Variants in XKR4 observed in about 807,000 individuals in gnomAD.
The protein encoded by XKR4 is XK related 4, also known as XK-related protein 4.
Under a neutral mutation model 53.9 loss-of-function variants are expected in XKR4, and 12 were observed. That is an observed-to-expected ratio of 0.22 (90% CI 0.14 to 0.36). XKR4 has a LOEUF of 0.36. XKR4 is among the 10% of genes least tolerant of loss of function. XKR4 has a pLI of 1.00. For missense variants in XKR4, 799 were observed against 859.5 expected, an observed-to-expected ratio of 0.93 and a Z score of 0.88; for synonymous variants, 354 against 362.4, an observed-to-expected ratio of 0.98 and a Z score of 0.26.
At chr8:55,380,120 C>A (rs958927132) in intron 2 of XKR4, among the ~76,000 whole-genome samples, 2 of 152,342 alleles carry the variant, frequency 1.3e-5, no homozygotes, top group Admixed American at 1.3e-4. Flanking sequence ...TGTCTGAATG[C>A]TCCATTGGTT....
At position 55,524,821 on chromosome 8, in the gene XKR4, A is replaced by G. The variant is rs778657568; in HGVS notation, c.*594A>G. The G allele has an allele frequency of 1.3e-5, 2 of 152,810 alleles. No homozygotes were observed. The highest frequency in any genetic ancestry group is 2.9e-5 in the Non-Finnish European group (2 of 68,216). 9.5% of individuals were successfully genotyped at this position (152,810 alleles called of 1,614,324 possible). A position where few individuals can be genotyped will look rare whatever the true frequency, so the allele number is the denominator to read the frequency against. ...TGAAAATCCTATCCAACGGACAGCAAACCCAAATGTTGTCTACACATGTGT... is the reference window on the plus strand; with the variant it reads ...TGAAAATCCTATCCAACGGACAGCAGACCCAAATGTTGTCTACACATGTGT... On this transcript the variant is annotated 3_prime_UTR_variant, in exon 3 of 3. Transcript: ENST00000327381.
At chr8:55,314,287 T>G (rs147672948) in intron 1 of XKR4, among the ~76,000 whole-genome samples, 2 of 152,204 alleles carry the variant, frequency 1.3e-5, no homozygotes, top group East Asian at 3.9e-4. Flanking sequence ...TGTTGTTCCC[T>G]GTACCAGTGG....
chr8:55,251,796 A>G (rs760918458), intron 1 of XKR4, among the ~76,000 whole-genome samples: 2 of 152,186 alleles, frequency 1.3e-5, no homozygotes, highest in African/African-American at 2.4e-5. Flanking sequence ...GACTCCGCAA[A>G]TGTTTGGCTT....
intron 2 of XKR4, among the ~76,000 whole-genome samples, chr8:55,368,525 C>A (rs1032457517): frequency 1.3e-5 from 2 of 152,190 alleles, no homozygotes; most frequent in Non-Finnish European, 2.9e-5. Flanking sequence ...CTTCACATAG[C>A]TCATCCCTTT....
chr8:55,369,751 T>C (rs1294924600), intron 2 of XKR4, among the ~76,000 whole-genome samples: 1 of 152,168 alleles, frequency 6.6e-6, no homozygotes, highest in Non-Finnish European at 1.5e-5. Context: ...CATATATTCA[T>C]AATAATATAT....
chr8:55,429,721 C>T (rs1171007846), intron 2 of XKR4, among the ~76,000 whole-genome samples: 1 of 149,140 alleles, frequency 6.7e-6, no homozygotes, highest in East Asian at 1.9e-4. Context: ...AGACCAAGAC[C>T]CTGTCTTTCT....
chr8:55,529,774 TCC>T lies in XKR4; in HGVS notation c.*5548_*5549del, dbSNP rs1330041314. The T allele has an allele frequency of 6.6e-6, 1 of 152,176 alleles. No individual in the cohort carries two copies. The highest frequency in any genetic ancestry group is 1.5e-5 in the Non-Finnish European group (1 of 68,032). The allele number at this position is 152,176 out of a possible 1,614,324, so 9.4% of individuals were successfully genotyped here. A position where few individuals can be genotyped will look rare whatever the true frequency, so the allele number is the denominator to read the frequency against. ...AATCATGGTCTGATGATCAAATTTT[TCC>T]AAGAAAATTTTATTTAAAAGTCAAA... On this transcript the variant is annotated 3_prime_UTR_variant, in exon 3 of 3. Coordinates refer to ENST00000327381, the MANE Select transcript of XKR4 (RefSeq NM_052898.2).
chr8:55,141,148 C>G (rs1343473536), intron 1 of XKR4, among the ~76,000 whole-genome samples: 2 of 152,154 alleles, frequency 1.3e-5, no homozygotes, highest in Non-Finnish European at 2.9e-5. Context: ...CCTTCCCAGC[C>G]CTAAGCAACC....
intron 1 of XKR4, among the ~76,000 whole-genome samples, chr8:55,159,812 G>C (rs1816959878): frequency 6.6e-6 from 1 of 152,188 alleles, no homozygotes; most frequent in African/African-American, 2.4e-5. Context: ...ACAGAGAAAA[G>C]GACTAGCTAG....
chr8:55,464,350 A>C (rs941698050), intron 2 of XKR4, among the ~76,000 whole-genome samples: 1 of 152,196 alleles, frequency 6.6e-6, no homozygotes, highest in Non-Finnish European at 1.5e-5. Context: ...GTAATCCAGC[A>C]TATAAACAGA....
At chr8:55,325,152 C>A (rs575785717) in intron 1 of XKR4, among the ~76,000 whole-genome samples, 3 of 152,038 alleles carry the variant, frequency 2.0e-5, no homozygotes, top group East Asian at 3.9e-4. Context: ...TAAATAAAAA[C>A]CTAGTTAAAG....
intron 1 of XKR4, among the ~76,000 whole-genome samples, chr8:55,341,651 T>C (rs1803548442): frequency 6.6e-6 from 1 of 152,246 alleles, no homozygotes; most frequent in Non-Finnish European, 1.5e-5. Context: ...TTAGACATCA[T>C]GGAAACCTTA....
At chr8:55,419,823 T>C (rs143651523) in intron 2 of XKR4, among the ~76,000 whole-genome samples, 1 of 152,302 alleles carries the variant, frequency 6.6e-6, no homozygotes, top group East Asian at 1.9e-4. Context: ...CTTAAGAAAA[T>C]TGGATGGGTA....
intron 1 of XKR4, among the ~76,000 whole-genome samples, chr8:55,184,013 C>A (rs567823791): frequency 6.6e-6 from 1 of 152,234 alleles, no homozygotes; most frequent in South Asian, 2.1e-4. Flanking sequence ...TTCCCGAATG[C>A]CTAATAGGGT....
chr8:55,508,191 G>A (rs1290123141), intron 2 of XKR4, among the ~76,000 whole-genome samples: 2 of 152,056 alleles, frequency 1.3e-5, no homozygotes, highest in Non-Finnish European at 2.9e-5. Flanking sequence ...GTCTTGGTCA[G>A]GAAAGGAATG....
intron 2 of XKR4, among the ~76,000 whole-genome samples, chr8:55,392,100 T>C (rs1209100129): frequency 1.3e-5 from 2 of 152,212 alleles, no homozygotes; most frequent in African/African-American, 2.4e-5. Context: ...CAAGTTTAAC[T>C]TGTCAGGATG....
At position 55,334,166 on chromosome 8, in the gene XKR4, C is replaced by T. The variant is rs541933896; in HGVS notation, c.807-23512C>T. 1.5e-3 allele frequency among the ~76,000 whole-genome samples: 230 copies of T among 152,230 alleles called. 1 individual carries two copies. The highest frequency in any genetic ancestry group is 5.4e-3 in the African/African-American group (224 of 41,538). ...ATAGAGGACATTACCTCATAGATGT[C>T]AGAGAGGACTGAATAACCTAGAATG... is the stretch of plus-strand genomic sequence containing the variant. On this transcript the variant is annotated intron_variant, in intron 1 of 2. Transcript: ENST00000327381.
intron 1 of XKR4, among the ~76,000 whole-genome samples, chr8:55,217,419 C>T (rs899643819): frequency 6.6e-5 from 10 of 152,070 alleles, no homozygotes; most frequent in African/African-American, 2.4e-4. Context: ...TCTGATAATA[C>T]TGAGCACTGG....
chr8:55,396,230 C>A (rs1804515414), intron 2 of XKR4, among the ~76,000 whole-genome samples: 1 of 152,146 alleles, frequency 6.6e-6, no homozygotes, highest in South Asian at 2.1e-4. Flanking sequence ...TTTCTGGGGG[C>A]TCAAGGCCTC....
Sources: allele counts gnomAD v4.1 joint callset (sites outside exome capture counted in the v4.1 genomes callset), GRCh38; gene constraint gnomAD v4.1.1; transcripts MANE v1.5; gene names NCBI Gene and HGNC (gene_info 2026-07-23, HGNC 2026-07-21).